Variants in ARHGAP24 observed in about 807,000 individuals in gnomAD.
The protein encoded by ARHGAP24 is rho GTPase-activating protein 24.
A neutral mutation model predicts 76.4 loss-of-function variants in ARHGAP24; 50 were observed. The observed-to-expected ratio is 0.65, with a 90% confidence interval of 0.52 to 0.83. The LOEUF (loss-of-function observed/expected upper bound fraction) is 0.83, where lower values mean the gene tolerates loss of function less well. ARHGAP24 is among the 40% of genes least tolerant of loss of function. The pLI, the probability that ARHGAP24 is intolerant of heterozygous loss-of-function variation, is 0.00. For synonymous variants in ARHGAP24, 345 were observed against 323.3 expected (o/e 1.07, Z -0.72); for missense variants, 930 against 914.2 (o/e 1.02, Z -0.22).
chr4:85,925,236 C>A (rs1438037887), intron 4 of ARHGAP24, among the ~76,000 whole-genome samples: 1 of 152,178 alleles, frequency 6.6e-6, no homozygotes, highest in Non-Finnish European at 1.5e-5. Flanking sequence ...ATAATGAAAT[C>A]TCATGCTGTC....
chr4:85,799,395 G>A (rs1010988450), intron 3 of ARHGAP24, among the ~76,000 whole-genome samples: 2 of 152,066 alleles, frequency 1.3e-5, no homozygotes, highest in Non-Finnish European at 2.9e-5. Context: ...TTCAAAGTGG[G>A]AATAATTTGA....
intron 5 of ARHGAP24, among the ~76,000 whole-genome samples, chr4:85,962,261 G>T (rs1377624759): frequency 6.6e-6 from 1 of 152,068 alleles, no homozygotes; most frequent in Non-Finnish European, 1.5e-5. Flanking sequence ...TTAAGTGTTT[G>T]TGTATCAGGA....
intron 3 of ARHGAP24, among the ~76,000 whole-genome samples, chr4:85,732,519 G>C (rs541490880): frequency 6.5e-4 from 99 of 152,110 alleles, no homozygotes; most frequent in Admixed American, 1.4e-3. Flanking sequence ...TGTTTCAAAA[G>C]ATAAAACCCT....
At position 85,919,035 on chromosome 4, in the gene ARHGAP24, G is replaced by A. The variant is rs556550442; in HGVS notation, c.269-4613G>A. 2.8e-4 allele frequency among the ~76,000 whole-genome samples: 43 copies of A among 152,278 alleles called. No individual in the cohort carries two copies. In the South Asian group the frequency reaches 8.5e-3, roughly 30 times the overall value. On this transcript the variant is annotated intron_variant, in intron 3 of 9. Coordinates refer to ENST00000395184, the MANE Select transcript of ARHGAP24 (RefSeq NM_001025616.3). ...GAAAGTAGAATGTGTACTTGTTCACGTAACATGAATATAATGTGATATAAT... is the reference window on the plus strand; with the variant it reads ...GAAAGTAGAATGTGTACTTGTTCACATAACATGAATATAATGTGATATAAT...
chr4:85,687,248 AG>A (rs1723456106), intron 2 of ARHGAP24, among the ~76,000 whole-genome samples: 1 of 152,142 alleles, frequency 6.6e-6, no homozygotes, highest in Non-Finnish European at 1.5e-5. Context: ...ATTTATACAT[AG>A]GGTTGAATTT....
chr4:85,594,434 C>G (rs1426707761), intron 2 of ARHGAP24, among the ~76,000 whole-genome samples: 2 of 151,904 alleles, frequency 1.3e-5, no homozygotes, highest in South Asian at 2.1e-4. Flanking sequence ...TTTGGTCGCC[C>G]CTTATTTCTT....
chr4:85,796,067 A>G (rs1728327339), intron 3 of ARHGAP24, among the ~76,000 whole-genome samples: 1 of 152,148 alleles, frequency 6.6e-6, no homozygotes, highest in South Asian at 2.1e-4. Flanking sequence ...GTCCCTCATA[A>G]TATTAGGTTG....
At chr4:85,858,514 T>C (rs1731710932) in intron 3 of ARHGAP24, among the ~76,000 whole-genome samples, 1 of 152,190 alleles carries the variant, frequency 6.6e-6, no homozygotes, top group South Asian at 2.1e-4. Flanking sequence ...GAGTAAATGC[T>C]TTGTGCAACT....
Position 85,721,904 on chromosome 4 carries a change from GAAAT to G in ARHGAP24, c.204_207del (p.Asn68LysfsTer19), listed in dbSNP as rs1560601420. ...TCACAGGGTACTATTTTTCTGCCTG[GAAAT>G]AAAGTTTCTGAGCATCCCTGCAATG... On this transcript the variant is annotated frameshift_variant, in exon 3 of 10. Coordinates refer to ENST00000395184, the MANE Select transcript of ARHGAP24 (RefSeq NM_001025616.3). LOFTEE classifies it high-confidence loss of function. The G allele has an allele frequency of 6.2e-7, 1 of 1,613,416 alleles. No homozygotes were observed. Among genetic ancestry groups the G allele is most frequent in the Non-Finnish European group, 8.5e-7 (1 of 1,179,610 alleles).
chr4:85,488,082 T>C (rs1723208219), intron 1 of ARHGAP24, among the ~76,000 whole-genome samples: 2 of 150,796 alleles, frequency 1.3e-5, no homozygotes, highest in East Asian at 3.9e-4. Context: ...AATTTTTTGT[T>C]GTGTATATTT....
At chr4:85,618,328 G>A (rs1424553447) in intron 2 of ARHGAP24, among the ~76,000 whole-genome samples, 1 of 152,114 alleles carries the variant, frequency 6.6e-6, no homozygotes, top group Non-Finnish European at 1.5e-5. Context: ...TCTTTTTAAA[G>A]GCTGAGTAAT....
chr4:85,758,196 G>A (rs941245004), intron 3 of ARHGAP24, among the ~76,000 whole-genome samples: 1 of 152,186 alleles, frequency 6.6e-6, no homozygotes, highest in African/African-American at 2.4e-5. Flanking sequence ...TAACCTACTA[G>A]TATAATGAGA....
intron 2 of ARHGAP24, among the ~76,000 whole-genome samples, chr4:85,692,357 G>A (rs1258133060): frequency 6.6e-6 from 1 of 152,012 alleles, no homozygotes; most frequent in South Asian, 2.1e-4. Context: ...TGTATTTCTT[G>A]AATTTGCAAC....
At chr4:85,498,540 A>T (rs367788381) in intron 1 of ARHGAP24, among the ~76,000 whole-genome samples, 42 of 152,332 alleles carry the variant, frequency 2.8e-4, no homozygotes, top group African/African-American at 8.4e-4. Flanking sequence ...TCCCTGCCCC[A>T]AATGGGGAAA....
chr4:85,560,420 T>C (rs951351191), intron 1 of ARHGAP24, among the ~76,000 whole-genome samples: 1 of 152,206 alleles, frequency 6.6e-6, no homozygotes, highest in Non-Finnish European at 1.5e-5. Flanking sequence ...TAAGTCATTT[T>C]GATTTCTTAG....
chr4:85,621,439 T>C (rs1172828426), intron 2 of ARHGAP24, among the ~76,000 whole-genome samples: 1 of 152,160 alleles, frequency 6.6e-6, no homozygotes, highest in Non-Finnish European at 1.5e-5. Flanking sequence ...TGTTATATTT[T>C]GACTTTTTAA....
Position 85,612,443 on chromosome 4 carries a change from C to CA in ARHGAP24, c.180+41732dup, listed in dbSNP as rs202064444. On this transcript the variant is annotated intron_variant, in intron 2 of 9. Transcript: ENST00000395184. The stretch of plus-strand genomic sequence containing the variant: ...TGGGCAACAGAGCAAGACTCTGTTT[C>CA]AAAAAAAAAAGACCAATGTATAGCA... 2.5e-3 allele frequency among the ~76,000 whole-genome samples: 366 copies of CA among 144,330 alleles called. 1 individual carries two copies. The highest frequency in any genetic ancestry group is 8.1e-3 in the African/African-American group (315 of 38,924). The allele number at this position is 144,330 out of a possible 152,430, so 94.7% of individuals were successfully genotyped here.
intron 2 of ARHGAP24, among the ~76,000 whole-genome samples, chr4:85,676,226 A>G (rs1352923302): frequency 1.3e-5 from 2 of 152,218 alleles, no homozygotes; most frequent in East Asian, 1.9e-4. Context: ...ATCTGTACAT[A>G]GAATACACAC....
intron 2 of ARHGAP24, among the ~76,000 whole-genome samples, chr4:85,614,886 C>T (rs929807840): frequency 7.2e-5 from 11 of 152,110 alleles, no homozygotes; most frequent in African/African-American, 9.6e-5. Flanking sequence ...CAGAGTCACA[C>T]GAATATTTAT....
Sources: allele counts gnomAD v4.1 joint callset (sites outside exome capture counted in the v4.1 genomes callset), GRCh38; gene constraint gnomAD v4.1.1; transcripts MANE v1.5; gene names NCBI Gene and HGNC (gene_info 2026-07-23, HGNC 2026-07-21).